The following PDZD2 variants were observed in gnomAD, a reference collection of about 807,000 sequenced individuals.
PDZD2 encodes PDZ domain containing 2.
Under a neutral mutation model 220.7 loss-of-function variants are expected in PDZD2, and 90 were observed. The ratio of observed to expected loss-of-function variants is 0.41; its 90% CI spans 0.34 to 0.49. The LOEUF is 0.49. PDZD2 is among the 20% of genes least tolerant of loss of function. The pLI is 0.28. For synonymous variants in PDZD2, 1,375 were observed against 1,450.5 expected (o/e 0.95, Z 1.18); for missense variants, 3,174 against 3,608.5 (o/e 0.88, Z 3.08).
chr5:31,930,402 T>C (rs887647362), intron 2 of PDZD2, among the ~76,000 whole-genome samples: 4 of 151,854 alleles, frequency 2.6e-5, no homozygotes, highest in Admixed American at 6.6e-5. Flanking sequence ...GGTTTCACCA[T>C]GTTAGCCAGG....
intron 16 of PDZD2, 68 bp from the exon 17 acceptor site, chr5:32,072,093 C>T (rs1314563946): frequency 1.8e-5 from 20 of 1,103,096 alleles, no homozygotes; most frequent in Admixed American, 4.0e-5. Flanking sequence ...AAAGATAGGA[C>T]GTAATAACCC....
intron 1 of PDZD2, among the ~76,000 whole-genome samples, chr5:31,640,824 A>G (rs544342328): frequency 5.3e-5 from 8 of 151,800 alleles, no homozygotes; most frequent in Non-Finnish European, 8.8e-5. Context: ...TTCTGCTCCT[A>G]TAATAACCAC....
chr5:31,994,698 G>T (rs1751495405), intron 3 of PDZD2, among the ~76,000 whole-genome samples: 1 of 151,932 alleles, frequency 6.6e-6, no homozygotes, highest in Non-Finnish European at 1.5e-5. Context: ...TGCTGGCCAG[G>T]CTGGTCTCAA....
intron 1 of PDZD2, among the ~76,000 whole-genome samples, chr5:31,796,555 C>T (rs1272580420): frequency 2.0e-5 from 3 of 152,086 alleles, no homozygotes; most frequent in Non-Finnish European, 4.4e-5. Context: ...ACTGAGGTCT[C>T]GGGGAAGAAC....
intron 2 of PDZD2, among the ~76,000 whole-genome samples, chr5:31,949,804 C>G (rs1225229888): frequency 6.6e-6 from 1 of 151,174 alleles, no homozygotes; most frequent in Non-Finnish European, 1.5e-5. Context: ...TCCCAAGTAG[C>G]TGGGATTACA....
chr5:31,714,975 A>T (rs1331322391), intron 1 of PDZD2, among the ~76,000 whole-genome samples: 1 of 150,928 alleles, frequency 6.6e-6, no homozygotes, highest in African/African-American at 2.4e-5. Context: ...AGGAGAATGG[A>T]GTGAACCCTG....
chr5:31,776,450 TTTTA>T (rs10592711), intron 1 of PDZD2, among the ~76,000 whole-genome samples: 41,354 of 138,922 alleles, frequency 0.3, 6,791 homozygotes, highest in Middle Eastern at 0.39. Flanking sequence ...TGTGTTTTTA[TTTTA>T]TTTATTTATT....
Position 31,935,046 on chromosome 5 carries a change from C to G in PDZD2, c.477-48109C>G, listed in dbSNP as rs375762035. On this transcript the variant is annotated intron_variant, in intron 2 of 24. Transcript: ENST00000438447. The stretch of plus-strand genomic sequence containing the variant: ...GAGGTTGCAGTGGGCCGAGATTACT[C>G]CACTGCACTCCCACCTGGGCAACAG... Among the ~76,000 whole-genome samples, 4 of 150,904 alleles carry G rather than the reference C, an allele frequency of 2.7e-5. 1 individual carries two copies. The East Asian group carries it at 7.8e-4, about 29-fold the overall frequency.
intron 2 of PDZD2, chr5:31,854,981 G>C: frequency 1.0e-6 from 1 of 985,452 alleles, no homozygotes; most frequent in Non-Finnish European, 1.2e-6. Context: ...TGCAGGAGCC[G>C]CGTTCCAGGA....
chr5:31,655,537 C>T (rs993543324), intron 1 of PDZD2, among the ~76,000 whole-genome samples: 3 of 132,894 alleles, frequency 2.3e-5, no homozygotes, highest in African/African-American at 8.6e-5. Context: ...TCGCCATTAC[C>T]ATGTAAAATC....
intron 2 of PDZD2, among the ~76,000 whole-genome samples, chr5:31,870,888 CAAAA>C (rs71614289): frequency 1.6e-5 from 1 of 64,480 alleles, no homozygotes; most frequent in Non-Finnish European, 3.4e-5. Context: ...GACTCTGTCT[CAAAA>C]AAAAAAAAAA....
intron 2 of PDZD2, among the ~76,000 whole-genome samples, chr5:31,807,308 C>A (rs919687267): frequency 6.6e-6 from 1 of 152,148 alleles, no homozygotes; most frequent in African/African-American, 2.4e-5. Flanking sequence ...GTGTGTCAGG[C>A]TTTTGGACCT....
rs765263510 is a variant in PDZD2 at position 32,089,626 on chromosome 5, C to T, written c.6178C>T (p.His2060Tyr). ...ACAGAGTGAGCCGCGCCTGGCCAGC[C>T]ATGTGGCAGCAGACACAGCCCAACC... The part of the protein sequence containing the change: ...NRQSEPRLAS[H>Y]VAADTAQPRP... The change falls in exon 20 of 25, where the codon CAT (histidine) becomes TAT (tyrosine). Residue 2060 changes from histidine to tyrosine, a missense_variant. His to Tyr is a moderately conservative substitution (Grantham distance 83, BLOSUM62 2). Coordinates refer to ENST00000438447, the MANE Select transcript of PDZD2 (RefSeq NM_178140.4). The T allele has an allele frequency of 7.8e-5, 126 of 1,613,500 alleles. No homozygotes were observed. The highest frequency in any genetic ancestry group is 1.6e-4 in the Middle Eastern group (1 of 6,084).
chr5:31,673,954 G>A (rs182570586), intron 1 of PDZD2, among the ~76,000 whole-genome samples: 2 of 152,294 alleles, frequency 1.3e-5, no homozygotes, highest in East Asian at 3.9e-4. Flanking sequence ...CTGGGCAACA[G>A]AGCAAGACTC....
intron 2 of PDZD2, among the ~76,000 whole-genome samples, chr5:31,872,024 TTTTC>T (rs1174351812): frequency 9.4e-5 from 14 of 148,930 alleles, no homozygotes; most frequent in Non-Finnish European, 1.6e-4. Context: ...CTCAAATATA[TTTTC>T]TTTGAAATCA....
chr5:32,088,295 A>G lies in PDZD2; in HGVS notation c.4847A>G (p.His1616Arg). Residue 1616 changes from histidine (H) to arginine (R), a missense_variant, in exon 20 of 25, where the codon CAT becomes CGT. This residue lies in a region of PDZD2 where 1,861 missense variants were observed against 2,001.0 expected (regional missense o/e 0.93). Coordinates refer to ENST00000438447, the MANE Select transcript of PDZD2 (RefSeq NM_178140.4). The surrounding 1 kb of genome is among the most constrained non-coding windows in gnomAD (Gnocchi z 4.6). ...CCCAATCCACCCTCGAGTCCTGCTC[A>G]TCTTCCCACCCAGGCTGCCATCTGT... is the stretch of plus-strand genomic sequence containing the variant. ...GCPNPPSSPA[H>R]LPTQAAICPA... 2 of 1,614,088 alleles carry G rather than the reference A, an allele frequency of 1.2e-6. No individual in the cohort carries two copies. The highest frequency in any genetic ancestry group is 1.7e-6 in the Non-Finnish European group (2 of 1,179,992).
intron 24 of PDZD2, among the ~76,000 whole-genome samples, chr5:32,104,731 A>T (rs961510089): frequency 5.4e-5 from 8 of 148,776 alleles, no homozygotes; most frequent in African/African-American, 2.0e-4. Context: ...AAAAAAAAAA[A>T]AAAAAAAAAA....
chr5:31,728,657 G>A (rs1367618330), intron 1 of PDZD2, among the ~76,000 whole-genome samples: 1 of 152,108 alleles, frequency 6.6e-6, no homozygotes, highest in Non-Finnish European at 1.5e-5. Flanking sequence ...GTTTACCCAC[G>A]GACATTTGTT....
At chr5:31,863,424 C>A (rs774734978) in intron 2 of PDZD2, among the ~76,000 whole-genome samples, 1 of 152,170 alleles carries the variant, frequency 6.6e-6, no homozygotes, top group Non-Finnish European at 1.5e-5. Context: ...GCCTGCCTAG[C>A]GTGGTTTTCC....
Sources: allele counts gnomAD v4.1 joint callset (sites outside exome capture counted in the v4.1 genomes callset), GRCh38; gene constraint gnomAD v4.1.1; regional missense constraint gnomAD v4.1.1; non-coding constraint Gnocchi (gnomAD v3.1); transcripts MANE v1.5; gene names NCBI Gene and HGNC (gene_info 2026-07-23, HGNC 2026-07-21).